BCL2: variants seen among roughly 807,000 people sequenced by gnomAD.
BCL2 encodes apoptosis regulator Bcl-2.
A neutral mutation model predicts 14.2 loss-of-function variants in BCL2; 1 was observed. The observed-to-expected ratio is 0.07, with a 90% confidence interval of 0.02 to 0.33. The LOEUF (loss-of-function observed/expected upper bound fraction) is 0.33, where lower values mean the gene tolerates loss of function less well. Ranked by LOEUF, BCL2 falls within the 10% of genes least tolerant of loss-of-function variation. BCL2 has a pLI of 0.99. For synonymous variants in BCL2, 151 were observed against 137.2 expected (o/e 1.10, Z -0.70); for missense variants, 247 against 305.9 (o/e 0.81, Z 1.44).
intron 2 of BCL2, among the ~76,000 whole-genome samples, chr18:63,287,473 G>C (rs1255028548): frequency 1.3e-5 from 2 of 152,158 alleles, no homozygotes; most frequent in Non-Finnish European, 1.5e-5. Context: ...GAGAAGAGAA[G>C]TTGCCAGGGC....
chr18:63,296,951 G>A lies in BCL2; in HGVS notation c.585+21131C>T, dbSNP rs925190195. ...GAACCGGCCCCGCACGGTGGCTCAC[G>A]CCTGTAATCCCAGCACTTTGGGAGG... On this transcript the variant is annotated intron_variant, in intron 2 of 2. Transcript: ENST00000333681. Among the ~76,000 whole-genome samples the A allele has an allele frequency of 3.9e-5, 6 of 152,294 alleles. No homozygotes were observed. In the South Asian group the frequency reaches 6.2e-4, roughly 16 times the overall value.
chr18:63,312,562 T>C (rs1913363355), intron 2 of BCL2, among the ~76,000 whole-genome samples: 1 of 152,180 alleles, frequency 6.6e-6, no homozygotes, highest in South Asian at 2.1e-4. Flanking sequence ...CCCAAAAAAG[T>C]CCGAAGGCAA....
In BCL2 at chr18:63,318,457, C is replaced by T. The variant is rs770596713; in HGVS notation, c.210G>A (p.Ser70=). 2 of 1,471,330 alleles carry T rather than the reference C, an allele frequency of 1.4e-6. No individual in the cohort carries two copies. The highest frequency in any genetic ancestry group is 1.4e-5 in the South Asian group (1 of 71,028). The allele number at this position is 1,471,330 out of a possible 1,614,324, so 91.1% of individuals were successfully genotyped here. ...CGGGGGCAGCCGGGGTCTGCAGCGG[C>T]GAGGTCCTGGCGACCGGGTCCCGGG... ...AASRDPVART[S]PLQTPAAPGA... Residue 70 remains serine, a synonymous_variant, in exon 2 of 3, where the codon TCG becomes TCA. Coordinates refer to ENST00000333681, the MANE Select transcript of BCL2 (RefSeq NM_000633.3). This position sits in a 1 kb window ranked among gnomAD's most constrained non-coding sequence, Gnocchi z 7.4.
At chr18:63,279,277 T>C (rs1912242281) in intron 2 of BCL2, among the ~76,000 whole-genome samples, 1 of 152,200 alleles carries the variant, frequency 6.6e-6, no homozygotes, top group South Asian at 2.1e-4. Context: ...TGGAAGAATA[T>C]ATTTGCAACA....
At chr18:63,227,566 T>C (rs1910581853) in intron 2 of BCL2, among the ~76,000 whole-genome samples, 1 of 152,130 alleles carries the variant, frequency 6.6e-6, no homozygotes, top group Admixed American at 6.5e-5. Flanking sequence ...TAGGACAAAA[T>C]GTATACATTA....
chr18:63,181,358 C>A (rs997194935), intron 2 of BCL2, among the ~76,000 whole-genome samples: 4 of 152,174 alleles, frequency 2.6e-5, no homozygotes, highest in African/African-American at 9.7e-5. Flanking sequence ...GCAAAACAAG[C>A]CCTGGAAGGC....
At chr18:63,188,588 A>G (rs1915646936) in intron 2 of BCL2, among the ~76,000 whole-genome samples, 1 of 152,230 alleles carries the variant, frequency 6.6e-6, no homozygotes, top group African/African-American at 2.4e-5. Context: ...AAACTGGAAA[A>G]TATTTAACAA....
At chr18:63,252,271 G>A (rs1484310842) in intron 2 of BCL2, among the ~76,000 whole-genome samples, 1 of 152,168 alleles carries the variant, frequency 6.6e-6, no homozygotes, top group African/African-American at 2.4e-5. Flanking sequence ...ACATCTTACT[G>A]ACAGAAAATT....
At chr18:63,261,823 G>T (rs11875445) in intron 2 of BCL2, among the ~76,000 whole-genome samples, 2 of 148,874 alleles carry the variant, frequency 1.3e-5, no homozygotes, top group South Asian at 4.2e-4. Context: ...ACAGAATCTC[G>T]CTCTGGAGTG....
chr18:63,224,119 G>T (rs779122954), intron 2 of BCL2, among the ~76,000 whole-genome samples: 4 of 152,068 alleles, frequency 2.6e-5, no homozygotes, highest in Non-Finnish European at 5.9e-5. Flanking sequence ...CCCAATAGAT[G>T]GGTTGGAAAT....
intron 2 of BCL2, among the ~76,000 whole-genome samples, chr18:63,292,934 G>A (rs955220600): frequency 6.6e-6 from 1 of 152,260 alleles, no homozygotes; most frequent in Non-Finnish European, 1.5e-5. Flanking sequence ...CAGGTGATGA[G>A]TAATAATAGC....
rs1213720485 is a variant in BCL2, at chr18:63,124,711, T to A, written c.*3914A>T. 3 of 230,002 alleles carry A rather than the reference T, an allele frequency of 1.3e-5. No homozygotes were observed. Among genetic ancestry groups the A allele is most frequent in the African/African-American group, 6.6e-5 (3 of 45,138 alleles). 14.2% of individuals were successfully genotyped at this position (230,002 alleles called of 1,614,324 possible). ...GATCTGATTGGAACCTTCATAAGCT[T>A]GACAATGTAGAATTGTATTTCTTAA... is the stretch of plus-strand genomic sequence containing the variant. On this transcript the variant is annotated 3_prime_UTR_variant, in exon 3 of 3. Transcript: ENST00000333681.
intron 2 of BCL2, among the ~76,000 whole-genome samples, chr18:63,219,599 G>A (rs992179441): frequency 8.6e-5 from 13 of 151,870 alleles, no homozygotes; most frequent in African/African-American, 3.1e-4. Context: ...CACTTTTTAA[G>A]CGTAAGCAGA....
chr18:63,145,781 C>T lies in BCL2; in HGVS notation c.586-17022G>A, dbSNP rs114057723. Among the ~76,000 whole-genome samples, 646 of 152,294 alleles carry T rather than the reference C, an allele frequency of 4.2e-3. 2 individuals are homozygous for T. The highest frequency in any genetic ancestry group is 0.015 in the African/African-American group (621 of 41,560). On this transcript the variant is annotated intron_variant, in intron 2 of 2. Coordinates refer to ENST00000333681, the MANE Select transcript of BCL2 (RefSeq NM_000633.3). Reference sequence around the variant, plus strand: ...TGTTCAGTGCAACATCTCTAATACACCAAATTAAAGATGAACAAACAAAAA... The same window carrying T: ...TGTTCAGTGCAACATCTCTAATACATCAAATTAAAGATGAACAAACAAAAA...
intron 2 of BCL2, chr18:63,317,438 T>C: frequency 1.5e-6 from 1 of 680,796 alleles, no homozygotes; most frequent in Non-Finnish European, 1.8e-6. Flanking sequence ...ACTGGGAACA[T>C]GGCACACACT....
rs1910028974 is a variant in BCL2 at position 63,212,129 on chromosome 18, C to T, written c.586-83370G>A. On this transcript the variant is annotated intron_variant, in intron 2 of 2. Coordinates refer to ENST00000333681, the MANE Select transcript of BCL2 (RefSeq NM_000633.3). ...GATCACAAGGTCAGGAGTTCGAGAC[C>T]ATCCTGGCCAACATGGTGAAACCCC... Among the ~76,000 whole-genome samples the T allele has an allele frequency of 1.3e-5, 2 of 151,710 alleles. 1 individual carries two copies. Among genetic ancestry groups the T allele is most frequent in the South Asian group, 4.2e-4 (2 of 4,810 alleles).
At chr18:63,213,209 C>T (rs1284483675) in intron 2 of BCL2, among the ~76,000 whole-genome samples, 1 of 152,134 alleles carries the variant, frequency 6.6e-6, no homozygotes, top group African/African-American at 2.4e-5. Flanking sequence ...ATAAAACATG[C>T]AAATCTCTTC....
At chr18:63,301,433 C>G (rs192598626) in intron 2 of BCL2, among the ~76,000 whole-genome samples, 9 of 152,282 alleles carry the variant, frequency 5.9e-5, no homozygotes, top group Non-Finnish European at 8.8e-5. Flanking sequence ...TACATACATA[C>G]GTATGCATAT....
intron 2 of BCL2, among the ~76,000 whole-genome samples, chr18:63,311,283 T>C (rs1599306525): frequency 6.6e-6 from 1 of 152,140 alleles, no homozygotes; most frequent in East Asian, 1.9e-4. Context: ...AAAAATATCA[T>C]CCTGGTTATC....
Sources: gnomAD v4.1 joint callset for allele counts (sites outside exome capture counted in the v4.1 genomes callset) on GRCh38, gnomAD v4.1.1 for gene constraint, Gnocchi (gnomAD v3.1) non-coding constraint, MANE v1.5 for transcripts, NCBI Gene and HGNC (gene_info 2026-07-23, HGNC 2026-07-21) for gene names.